RSPO2: variants seen among roughly 807,000 people sequenced by gnomAD.
The protein encoded by RSPO2 is R-spondin-2.
Under a neutral mutation model 30.9 loss-of-function variants are expected in RSPO2, and 14 were observed. The ratio of observed to expected loss-of-function variants is 0.45; its 90% confidence interval spans 0.30 to 0.71. The LOEUF is 0.71. RSPO2 is among the 30% of genes least tolerant of loss of function. The probability of loss-of-function intolerance (pLI) is 0.08; values close to 1 mark genes in which losing one functional copy is unlikely to be tolerated. For synonymous variants in RSPO2, 107 were observed against 96.4 expected, an observed-to-expected ratio of 1.11 and a Z score of -0.64; for missense variants, 264 against 301.9, an observed-to-expected ratio of 0.87 and a Z score of 0.93.
intron 2 of RSPO2, among the ~76,000 whole-genome samples, chr8:108,011,284 G>T (rs1280292055): frequency 6.6e-6 from 1 of 151,936 alleles, no homozygotes; most frequent in South Asian, 2.1e-4. Context: ...GTGCCCATAG[G>T]TATGGTCTTA....
chr8:108,043,625 C>T (rs957787356), intron 2 of RSPO2, among the ~76,000 whole-genome samples: 1 of 151,750 alleles, frequency 6.6e-6, no homozygotes, highest in Non-Finnish European at 1.5e-5. Flanking sequence ...AGTCTTAGCA[C>T]CTCTCGTCCT....
intron 5 of RSPO2, among the ~76,000 whole-genome samples, chr8:107,913,711 T>C (rs949571505): frequency 4.0e-5 from 6 of 150,134 alleles, no homozygotes; most frequent in Admixed American, 6.7e-5. Context: ...CACGAGAACA[T>C]AGTTAATTAT....
intron 2 of RSPO2, among the ~76,000 whole-genome samples, chr8:108,003,515 T>C (rs1181089151): frequency 6.6e-6 from 1 of 151,392 alleles, no homozygotes; most frequent in East Asian, 1.9e-4. Flanking sequence ...AAGCAGGTTA[T>C]TTTGACATGC....
intron 5 of RSPO2, among the ~76,000 whole-genome samples, chr8:107,913,856 G>A (rs1435125703): frequency 6.6e-6 from 1 of 152,102 alleles, no homozygotes; most frequent in Non-Finnish European, 1.5e-5. Flanking sequence ...GCTACTACAT[G>A]TATACACACA....
At chr8:108,075,793 C>A (rs1055051981) in intron 2 of RSPO2, among the ~76,000 whole-genome samples, 3 of 151,714 alleles carry the variant, frequency 2.0e-5, no homozygotes, top group African/African-American at 2.4e-5. Flanking sequence ...TTTAAAAAAA[C>A]AGCATTTCTC....
At chr8:108,046,607 T>G (rs1480536898) in intron 2 of RSPO2, among the ~76,000 whole-genome samples, 1 of 152,110 alleles carries the variant, frequency 6.6e-6, no homozygotes, top group Non-Finnish European at 1.5e-5. Flanking sequence ...ATTGGGCACC[T>G]TGAAACAAAA....
chr8:107,996,083 G>A (rs1054505977), intron 2 of RSPO2, among the ~76,000 whole-genome samples: 3 of 152,060 alleles, frequency 2.0e-5, no homozygotes, highest in Admixed American at 1.3e-4. Flanking sequence ...TTAGGATATC[G>A]TTTAACTTCT....
At chr8:108,054,192 G>A (rs1488733244) in intron 2 of RSPO2, among the ~76,000 whole-genome samples, 1 of 152,152 alleles carries the variant, frequency 6.6e-6, no homozygotes, top group Non-Finnish European at 1.5e-5. Flanking sequence ...CTGTACTGGT[G>A]AGGGCACACA....
At chr8:108,066,622 C>A (rs1436665972) in intron 2 of RSPO2, among the ~76,000 whole-genome samples, 2 of 152,062 alleles carry the variant, frequency 1.3e-5, no homozygotes, top group Admixed American at 1.3e-4. Flanking sequence ...TTTCTAAGAA[C>A]CTGCAATTAA....
chr8:108,013,619 A>C (rs996698513), intron 2 of RSPO2, among the ~76,000 whole-genome samples: 3 of 152,252 alleles, frequency 2.0e-5, no homozygotes, highest in Non-Finnish European at 4.4e-5. Flanking sequence ...CCTATTTCAT[A>C]AATGGTGTTG....
chr8:107,997,407 G>A (rs1007228188), intron 2 of RSPO2, among the ~76,000 whole-genome samples: 5 of 152,168 alleles, frequency 3.3e-5, no homozygotes, highest in African/African-American at 1.2e-4. Flanking sequence ...TGCTCTCTGT[G>A]AGCTTCAACT....
At chr8:108,031,641 G>T (rs1371743206) in intron 2 of RSPO2, among the ~76,000 whole-genome samples, 2 of 152,132 alleles carry the variant, frequency 1.3e-5, no homozygotes, top group Non-Finnish European at 2.9e-5. Flanking sequence ...AACCAAAAAT[G>T]AATAGATTAA....
At chr8:107,946,315 T>C (rs1327888726) in intron 5 of RSPO2, among the ~76,000 whole-genome samples, 5 of 152,336 alleles carry the variant, frequency 3.3e-5, no homozygotes, top group Admixed American at 3.3e-4. Flanking sequence ...ACTTCCAATC[T>C]GTCTGAATGT....
At position 108,082,633 on chromosome 8, in the gene RSPO2, C is replaced by T. The variant is rs1813245743; in HGVS notation, c.6G>A (p.Gln2=). M[Q]FRLFSFALII... is the part of the protein sequence containing the mutation. ...TGAGGGCAAAGGAGAAAAGGCGAAACTGCATCTGGGCGGTCGGGCGGGGGA... is the reference window on the plus strand; with the variant it reads ...TGAGGGCAAAGGAGAAAAGGCGAAATTGCATCTGGGCGGTCGGGCGGGGGA... Residue 2 remains glutamine (Q), a synonymous_variant, in exon 2 of 6, where the codon CAG becomes CAA. Coordinates refer to ENST00000276659, the MANE Select transcript of RSPO2 (RefSeq NM_178565.5). 6.2e-7 allele frequency: 1 copy of T among 1,613,942 alleles called. No individual in the cohort carries two copies. The highest frequency in any genetic ancestry group is 8.5e-7 in the Non-Finnish European group (1 of 1,179,896).
In RSPO2 at chr8:107,977,542, ACAGT is replaced by A. The variant is rs530172773; in HGVS notation, c.283+11510_283+11513del. 1.9e-3 allele frequency among the ~76,000 whole-genome samples: 287 copies of A among 152,334 alleles called. 2 individuals are homozygous for A. The highest frequency in any genetic ancestry group is 6.7e-3 in the African/African-American group (278 of 41,568). Reference sequence around the variant, plus strand: ...GGAGATGGGATAATGATTAAAATACACAGTCAGTAGAAGAGAAAGGGTCATGACC... The same window carrying A: ...GGAGATGGGATAATGATTAAAATACACAGTAGAAGAGAAAGGGTCATGACC... On this transcript the variant is annotated intron_variant, in intron 3 of 5. Transcript: ENST00000276659.
chr8:108,033,564 C>A (rs1431045734), intron 2 of RSPO2, among the ~76,000 whole-genome samples: 1 of 152,204 alleles, frequency 6.6e-6, no homozygotes, highest in African/African-American at 2.4e-5. Context: ...ACCCCAGAGA[C>A]TGAGGTGCCA....
chr8:108,069,300 G>A (rs549162317), intron 2 of RSPO2, among the ~76,000 whole-genome samples: 5 of 151,990 alleles, frequency 3.3e-5, no homozygotes, highest in African/African-American at 7.2e-5. Context: ...TTCATCCTCC[G>A]CCTCCCGGGT....
intron 2 of RSPO2, among the ~76,000 whole-genome samples, chr8:108,050,631 T>C (rs900193291): frequency 2.6e-5 from 4 of 152,152 alleles, no homozygotes; most frequent in African/African-American, 4.8e-5. Flanking sequence ...TAAAATCCCA[T>C]TTGGAATGAA....
intron 5 of RSPO2, among the ~76,000 whole-genome samples, chr8:107,921,082 A>G (rs1287102950): frequency 6.6e-6 from 1 of 152,106 alleles, no homozygotes; most frequent in Non-Finnish European, 1.5e-5. Flanking sequence ...TTATGTATAT[A>G]ATTAGACATG....
Sources: gnomAD v4.1 joint callset for allele counts (sites outside exome capture counted in the v4.1 genomes callset) on GRCh38, gnomAD v4.1.1 for gene constraint, MANE v1.5 for transcripts, NCBI Gene and HGNC (gene_info 2026-07-23, HGNC 2026-07-21) for gene names.